The following ATF7IP2 variants were observed in gnomAD, a reference collection of about 807,000 sequenced individuals.
ATF7IP2 encodes activating transcription factor 7 interacting protein 2, also known as activating transcription factor 7-interacting protein 2.
ATF7IP2 carries 42 observed loss-of-function variants against 64.2 expected under a neutral mutation model. The observed-to-expected ratio is 0.65, with a 90% CI of 0.51 to 0.85. ATF7IP2 has a LOEUF of 0.85. ATF7IP2 is among the 40% of genes least tolerant of loss of function. The pLI is 0.00. For missense variants in ATF7IP2, 933 were observed against 784.2 expected (o/e 1.19, Z -2.27); for synonymous variants, 308 against 272.8 (o/e 1.13, Z -1.27).
At chr16:10,419,279 C>T (rs2047942229) in intron 2 of ATF7IP2, among the ~76,000 whole-genome samples, 2 of 152,158 alleles carry the variant, frequency 1.3e-5, no homozygotes. Context: ...CTTTCCCAAA[C>T]AGATAGGTGA....
Position 10,440,374 on chromosome 16 carries a change from CA to C in ATF7IP2, c.1110del (p.Lys370AsnfsTer17). 6.5e-7 allele frequency: 1 copy of C among 1,533,122 alleles called. No individual in the cohort carries two copies. 95.0% of individuals were successfully genotyped at this position (1,533,122 alleles called of 1,614,324 possible). On this transcript the variant is annotated frameshift_variant, in exon 8 of 14. Transcript: ENST00000562102. LOFTEE classifies it high-confidence loss of function. ...CTCTTTTTCTTCTAGGCAAAAATAG[CA>C]AAACTTCAAAGACGTATTAAAACAG... ...GIADKLLAKI[A>X]KLQRRIKTVL...
At chr16:10,431,580 C>A in intron 5 of ATF7IP2, 125 bp downstream of exon 5, 1 of 632,718 alleles carries the variant, frequency 1.6e-6, no homozygotes, top group Non-Finnish European at 2.6e-6. Context: ...AATTATTTCA[C>A]AGTATCTTGT....
At chr16:10,411,984 G>A (rs2047771529) in intron 1 of ATF7IP2, among the ~76,000 whole-genome samples, 1 of 103,940 alleles carries the variant, frequency 9.6e-6, no homozygotes, top group Non-Finnish European at 1.9e-5. Context: ...CAAAGACCCA[G>A]CTTTTTGTTT....
At chr16:10,415,487 C>G (rs1159123128) in intron 2 of ATF7IP2, among the ~76,000 whole-genome samples, 1 of 152,144 alleles carries the variant, frequency 6.6e-6, no homozygotes, top group East Asian at 1.9e-4. Flanking sequence ...AAATGGATTG[C>G]TTAAATCTAA....
chr16:10,426,743 AAAAAT>A (rs1484802947), intron 3 of ATF7IP2, among the ~76,000 whole-genome samples: 1 of 152,224 alleles, frequency 6.6e-6, no homozygotes, highest in Non-Finnish European at 1.5e-5. Flanking sequence ...ATAAAAGAAA[AAAAAT>A]TATTTAACTT....
At chr16:10,428,077 A>G (rs185328352) in intron 3 of ATF7IP2, among the ~76,000 whole-genome samples, 195 of 152,336 alleles carry the variant, frequency 1.3e-3, no homozygotes, top group African/African-American at 4.4e-3. Flanking sequence ...ATTTGTTTAC[A>G]TATGACATTT....
At chr16:10,395,321 C>G (rs1596506) in intron 1 of ATF7IP2, among the ~76,000 whole-genome samples, 2,702 of 152,150 alleles carry the variant, frequency 0.018, 73 homozygotes, top group African/African-American at 0.061. Flanking sequence ...GGAATTAGGA[C>G]AAAATGAAAA....
chr16:10,426,935 C>T lies in ATF7IP2; in HGVS notation c.-159-1933C>T, dbSNP rs939752185. 1.1e-4 allele frequency among the ~76,000 whole-genome samples: 16 copies of T among 148,686 alleles called. No individual in the cohort carries two copies. The South Asian group carries it at 1.1e-3, about 10-fold the overall frequency. On this transcript the variant is annotated intron_variant, in intron 3 of 13. Transcript: ENST00000562102. ...TGGTGTGATCTCGGCTCACTGCAAC[C>T]TCCATCTCCCGGGTTCAAGCGATTC...
chr16:10,409,020 C>T (rs1268461644), intron 1 of ATF7IP2, among the ~76,000 whole-genome samples: 1 of 152,222 alleles, frequency 6.6e-6, no homozygotes, highest in Non-Finnish European at 1.5e-5. Flanking sequence ...AAGGGTGCTG[C>T]TCATGTCATT....
At chr16:10,415,158 G>A (rs1243465465) in intron 2 of ATF7IP2, among the ~76,000 whole-genome samples, 2 of 152,148 alleles carry the variant, frequency 1.3e-5, no homozygotes, top group African/African-American at 2.4e-5. Flanking sequence ...ACAGAAGACT[G>A]AGAATAGCCA....
At chr16:10,419,897 G>A (rs1241609441) in intron 3 of ATF7IP2, among the ~76,000 whole-genome samples, 1 of 152,138 alleles carries the variant, frequency 6.6e-6, no homozygotes, top group Non-Finnish European at 1.5e-5. Flanking sequence ...CAGTTGTTCT[G>A]CTTCTGCCTT....
At position 10,482,112 on chromosome 16, in the gene ATF7IP2, C is replaced by G; in HGVS notation, c.1912C>G (p.Pro638Ala). ...TGGAGAAATTAAAGCTTTACCACTC[C>G]CCATGGCCTGTACTTTATCTCAGTT... is the stretch of plus-strand genomic sequence containing the variant. ...KIGEIKALPL[P>A]MACTLSQFLA... The change falls in exon 14 of 14, where the codon CCC becomes GCC. Residue 638 changes from proline (P) to alanine (A), a missense_variant. Coordinates refer to ENST00000562102, the MANE Select transcript of ATF7IP2 (RefSeq NM_001393719.1). The G allele has an allele frequency of 6.2e-7, 1 of 1,614,082 alleles. No homozygotes were observed. The highest frequency in any genetic ancestry group is 8.5e-7 in the Non-Finnish European group (1 of 1,179,982).
intron 12 of ATF7IP2, among the ~76,000 whole-genome samples, chr16:10,475,782 G>A (rs561204817): frequency 1.4e-5 from 2 of 141,300 alleles, no homozygotes; most frequent in Admixed American, 1.4e-4. Flanking sequence ...AGAACAAAAG[G>A]CAAAATGATC....
At chr16:10,426,673 T>C (rs1223575180) in intron 3 of ATF7IP2, among the ~76,000 whole-genome samples, 1 of 152,144 alleles carries the variant, frequency 6.6e-6, no homozygotes, top group Non-Finnish European at 1.5e-5. Context: ...TAGGCTTCAC[T>C]ATTTCACACA....
chr16:10,430,856 C>G lies in ATF7IP2; in HGVS notation c.236C>G (p.Ser79Cys), dbSNP rs762048546. ...PSENGASSLD[S>C]NKNSISEKSK... is the part of the protein sequence containing the mutation. ...GAAAATGGTGCATCCTCATTGGACT[C>G]TAATAAAAATTCAATATCAGAGAAA... The change falls in exon 5 of 14, where the codon TCT (serine) becomes TGT (cysteine). Residue 79 changes from serine to cysteine, a missense_variant. Ser to Cys is a moderately radical substitution (Grantham distance 112, BLOSUM62 -1). Coordinates refer to ENST00000562102, the MANE Select transcript of ATF7IP2 (RefSeq NM_001393719.1). The G allele has an allele frequency of 1.8e-5, 29 of 1,613,602 alleles. No homozygotes were observed. Among genetic ancestry groups the G allele is most frequent in the African/African-American group, 1.2e-4 (9 of 74,860 alleles).
At chr16:10,439,920 T>G (rs1004763242) in intron 7 of ATF7IP2, among the ~76,000 whole-genome samples, 1 of 151,478 alleles carries the variant, frequency 6.6e-6, no homozygotes, top group Non-Finnish European at 1.5e-5. Context: ...TCCCAGCACT[T>G]TGGGAGGCAG....
chr16:10,418,301 A>G (rs998434042), intron 2 of ATF7IP2, among the ~76,000 whole-genome samples: 5 of 152,218 alleles, frequency 3.3e-5, no homozygotes, highest in African/African-American at 1.2e-4. Flanking sequence ...TGGTAAACCA[A>G]CAACCTTCAG....
intron 5 of ATF7IP2, among the ~76,000 whole-genome samples, chr16:10,432,552 G>C (rs2048290870): frequency 6.6e-6 from 1 of 152,062 alleles, no homozygotes; most frequent in Admixed American, 6.6e-5. Flanking sequence ...CTGGGCAACA[G>C]ATCCAAGACC....
intron 9 of ATF7IP2, among the ~76,000 whole-genome samples, chr16:10,459,900 A>AT (rs1372020610): frequency 5.3e-5 from 8 of 152,220 alleles, no homozygotes; most frequent in African/African-American, 1.9e-4. Flanking sequence ...ACCATTTTAT[A>AT]TAACATACTG....
Sources: allele counts gnomAD v4.1 joint callset (sites outside exome capture counted in the v4.1 genomes callset), GRCh38; gene constraint gnomAD v4.1.1; transcripts MANE v1.5; gene names NCBI Gene and HGNC (gene_info 2026-07-23, HGNC 2026-07-21).